The following TAFA4 variants were observed in gnomAD, a reference collection of about 807,000 sequenced individuals.
TAFA4 encodes TAFA chemokine like family member 4, also known as chemokine-like protein TAFA-4.
A neutral mutation model predicts 21.1 loss-of-function variants in TAFA4; 20 were observed. That is an observed-to-expected ratio of 0.95 (90% CI 0.67 to 1.38). The LOEUF is 1.38. TAFA4 is among the 40% of genes most tolerant of loss of function. The pLI is 0.00. For synonymous variants in TAFA4, 71 were observed against 67.4 expected (o/e 1.05, Z -0.26); for missense variants, 211 against 180.9 (o/e 1.17, Z -0.95).
At chr3:68,851,653 T>C (rs1404886883) in intron 3 of TAFA4, among the ~76,000 whole-genome samples, 4 of 152,144 alleles carry the variant, frequency 2.6e-5, no homozygotes, top group Non-Finnish European at 2.9e-5. Flanking sequence ...TCTATCAATA[T>C]GCACACTCTC....
At chr3:68,815,134 C>A (rs1381902142) in intron 3 of TAFA4, among the ~76,000 whole-genome samples, 1 of 152,118 alleles carries the variant, frequency 6.6e-6, no homozygotes, top group Admixed American at 6.5e-5. Flanking sequence ...AAACTGGATC[C>A]CTTCCTTACA....
chr3:68,847,056 T>C (rs574749994), intron 3 of TAFA4, among the ~76,000 whole-genome samples: 3 of 152,332 alleles, frequency 2.0e-5, no homozygotes, highest in African/African-American at 7.2e-5. Flanking sequence ...TGCTGGTAGA[T>C]CTGCTGCTCT....
chr3:68,887,627 A>G (rs1378307148), intron 1 of TAFA4, among the ~76,000 whole-genome samples: 1 of 152,174 alleles, frequency 6.6e-6, no homozygotes, highest in Non-Finnish European at 1.5e-5. Context: ...CCACAGGATC[A>G]GTACCATGTG....
At chr3:68,734,113 A>G (rs890178248) in intron 5 of TAFA4, among the ~76,000 whole-genome samples, 6 of 152,172 alleles carry the variant, frequency 3.9e-5, no homozygotes, top group African/African-American at 1.4e-4. Flanking sequence ...GTAGCCATAG[A>G]CAATAAATAA....
At chr3:68,772,235 T>C (rs542292198) in intron 3 of TAFA4, among the ~76,000 whole-genome samples, 13 of 152,194 alleles carry the variant, frequency 8.5e-5, no homozygotes, top group Non-Finnish European at 1.5e-4. Flanking sequence ...GGGTATTAAG[T>C]TCAAATAAAA....
intron 3 of TAFA4, among the ~76,000 whole-genome samples, chr3:68,786,960 AAAAAT>A (rs1304011901): frequency 6.6e-6 from 1 of 152,370 alleles, no homozygotes; most frequent in East Asian, 1.9e-4. Context: ...ACAGAGGAGA[AAAAAT>A]AAAAAGAGTC....
In TAFA4 at chr3:68,818,606, T is replaced by C. The variant is rs559619193; in HGVS notation, c.130+62124A>G. On this transcript the variant is annotated intron_variant, in intron 3 of 5. Coordinates refer to ENST00000295569, the MANE Select transcript of TAFA4 (RefSeq NM_182522.5). ...TTTCACTTGAAGACTTAGGAGCCAATGTAGGGTTATCAAGTGGCCTAATTG... is the reference window on the plus strand; with the variant it reads ...TTTCACTTGAAGACTTAGGAGCCAACGTAGGGTTATCAAGTGGCCTAATTG... 1.1e-3 allele frequency among the ~76,000 whole-genome samples: 165 copies of C among 152,330 alleles called. 1 individual carries two copies. The highest frequency in any genetic ancestry group is 2.0e-3 in the Non-Finnish European group (137 of 68,032).
intron 3 of TAFA4, among the ~76,000 whole-genome samples, chr3:68,814,751 T>C (rs1423559501): frequency 5.3e-5 from 8 of 152,298 alleles, no homozygotes; most frequent in South Asian, 4.1e-4. Context: ...AGGTAATTTA[T>C]AGATTCAACG....
At chr3:68,903,047 C>A (rs2089859914) in intron 1 of TAFA4, among the ~76,000 whole-genome samples, 1 of 152,074 alleles carries the variant, frequency 6.6e-6, no homozygotes, top group South Asian at 2.1e-4. Context: ...TGGAGAGCAT[C>A]CCAGCACCCT....
intron 3 of TAFA4, among the ~76,000 whole-genome samples, chr3:68,786,988 A>G (rs1340426251): frequency 2.0e-5 from 3 of 152,206 alleles, no homozygotes; most frequent in East Asian, 3.8e-4. Context: ...GAAAAAATAT[A>G]CAAAGCTCAT....
intron 4 of TAFA4, among the ~76,000 whole-genome samples, chr3:68,746,756 A>T (rs73106707): frequency 0.13 from 19,930 of 152,212 alleles, 1,771 homozygotes; most frequent in Middle Eastern, 0.26. Flanking sequence ...TCAGTGCATG[A>T]GTACACATAC....
At chr3:68,814,017 C>G (rs941185818) in intron 3 of TAFA4, among the ~76,000 whole-genome samples, 4 of 152,218 alleles carry the variant, frequency 2.6e-5, no homozygotes, top group African/African-American at 9.6e-5. Flanking sequence ...TCAACATACG[C>G]AAATCAATAA....
At chr3:68,851,297 C>G (rs1704942721) in intron 3 of TAFA4, among the ~76,000 whole-genome samples, 1 of 152,098 alleles carries the variant, frequency 6.6e-6, no homozygotes, top group African/African-American at 2.4e-5. Context: ...AATGAAATTA[C>G]ATGGACATAG....
chr3:68,924,116 C>A (rs1288794535), intron 1 of TAFA4, among the ~76,000 whole-genome samples: 2 of 152,270 alleles, frequency 1.3e-5, no homozygotes, highest in Admixed American at 1.3e-4. Context: ...TCCAGCAACT[C>A]CACTTCTGGG....
chr3:68,861,388 T>G (rs1399324192), intron 3 of TAFA4, among the ~76,000 whole-genome samples: 1 of 152,092 alleles, frequency 6.6e-6, no homozygotes, highest in Non-Finnish European at 1.5e-5. Flanking sequence ...AAGAAAAATG[T>G]CCTGTTTGAT....
At chr3:68,745,014 GTTTC>G (rs1212211359) in intron 4 of TAFA4, among the ~76,000 whole-genome samples, 1 of 152,296 alleles carries the variant, frequency 6.6e-6, no homozygotes, top group African/African-American at 2.4e-5. Flanking sequence ...CCATGATGGA[GTTTC>G]TTTGTGAAAG....
At chr3:68,823,543 A>G (rs957892263) in intron 3 of TAFA4, among the ~76,000 whole-genome samples, 1 of 152,136 alleles carries the variant, frequency 6.6e-6, no homozygotes, top group African/African-American at 2.4e-5. Flanking sequence ...CTATCAACCC[A>G]TCACCTAGGT....
chr3:68,810,988 A>C (rs1455095481), intron 3 of TAFA4, among the ~76,000 whole-genome samples: 1 of 152,172 alleles, frequency 6.6e-6, no homozygotes, highest in African/African-American at 2.4e-5. Context: ...CAGAGGAACA[A>C]TCAGGCTGCA....
At chr3:68,735,090 A>G in intron 5 of TAFA4, among the ~76,000 whole-genome samples, 1 of 152,132 alleles carries the variant, frequency 6.6e-6, no homozygotes, top group East Asian at 1.9e-4. Flanking sequence ...TCATCAGGGT[A>G]CCCTGAGCAT....
Sources: allele counts gnomAD v4.1 joint callset (sites outside exome capture counted in the v4.1 genomes callset), GRCh38; gene constraint gnomAD v4.1.1; transcripts MANE v1.5; gene names NCBI Gene and HGNC (gene_info 2026-07-23, HGNC 2026-07-21).